RAE1: variants seen among roughly 807,000 people sequenced by gnomAD.
RAE1 encodes mRNA export factor RAE1.
A neutral mutation model predicts 52.7 loss-of-function variants in RAE1; 13 were observed. The observed-to-expected ratio is 0.25, with a 90% CI of 0.16 to 0.39. The LOEUF is 0.39. Among genes scored for constraint, RAE1 ranks in the 10% least tolerant of loss-of-function variants. RAE1 has a pLI of 1.00. For missense variants in RAE1, 262 were observed against 459.8 expected (o/e 0.57, Z 3.93); for synonymous variants, 164 against 153.1 (o/e 1.07, Z -0.52).
chr20:57,363,662 G>A (rs1244048137), intron 4 of RAE1, among the ~76,000 whole-genome samples: 1 of 152,082 alleles, frequency 6.6e-6, no homozygotes, highest in Non-Finnish European at 1.5e-5. Flanking sequence ...GAGCAAGACC[G>A]TGTCTCTAAA....
At chr20:57,351,758 C>G (rs753471475) in intron 1 of RAE1, 19 of 985,426 alleles carry the variant, frequency 1.9e-5, no homozygotes, top group Non-Finnish European at 2.0e-5. Flanking sequence ...TCCCTGGCCG[C>G]TTTGCAGAAG....
At chr20:57,377,950 G>A (rs968072545) in intron 11 of RAE1, 63 bp from the exon 12 acceptor site, 16 of 1,254,600 alleles carry the variant, frequency 1.3e-5, no homozygotes, top group Admixed American at 2.0e-5. Context: ...CCTAGAAAAA[G>A]CACCTACAAA....
chr20:57,368,226 C>G (rs2066985747), intron 7 of RAE1, among the ~76,000 whole-genome samples: 1 of 152,148 alleles, frequency 6.6e-6, no homozygotes, highest in Admixed American at 6.6e-5. Context: ...TTGGAAGTGG[C>G]CTAAGGGGCC....
In RAE1 at chr20:57,356,515, G is replaced by C; in HGVS notation, c.265G>C (p.Val89Leu). Residue 89 changes from valine to leucine, a missense_variant, in exon 4 of 12, where the codon GTG becomes CTG. Physicochemically the swap from Val to Leu is conservative, Grantham distance 32. Coordinates refer to ENST00000395841, the MANE Select transcript of RAE1 (RefSeq NM_003610.4). Reference sequence around the variant, plus strand: ...AGCCCAGCAGATGCACACTGGGCCTGTGCTTGATGTCTGCTGGAGTGACGT... The same window carrying C: ...AGCCCAGCAGATGCACACTGGGCCTCTGCTTGATGTCTGCTGGAGTGACGT... The part of the protein sequence containing the change: ...PKAQQMHTGP[V>L]LDVCWSDDGS... 6.2e-7 allele frequency: 1 copy of C among 1,612,896 alleles called. No homozygotes were observed. Among genetic ancestry groups the C allele is most frequent in the Non-Finnish European group, 8.5e-7 (1 of 1,179,090 alleles).
At chr20:57,376,213 G>T (rs1339641279) in intron 11 of RAE1, among the ~76,000 whole-genome samples, 1 of 152,200 alleles carries the variant, frequency 6.6e-6, no homozygotes, top group African/African-American at 2.4e-5. Flanking sequence ...CTGTTTGAGG[G>T]TTTGCTGTGT....
Position 57,354,035 on chromosome 20 carries a change from C to A in RAE1, c.-4C>A. ...AACATTTTTCATTACTTTTTAGGTT[C>A]AAAATGAGCCTGTTTGGAACAACCT... On this transcript the variant is annotated 5_prime_UTR_variant, in exon 2 of 12. Transcript: ENST00000395841. 1 of 1,612,304 alleles carries A rather than the reference C, an allele frequency of 6.2e-7. No individual in the cohort carries two copies. Among genetic ancestry groups the A allele is most frequent in the South Asian group, 1.1e-5 (1 of 90,752 alleles).
rs116749490 is a variant in RAE1, at chr20:57,374,586, T to C, written c.826-21T>C. The C allele has an allele frequency of 4.5e-4, 715 of 1,594,574 alleles. 4 individuals are homozygous for C. In the African/African-American group the frequency reaches 8.4e-3, roughly 19 times the overall value. On this transcript the variant is annotated intron_variant, in intron 10 of 11. Transcript: ENST00000395841. Reference sequence around the variant, plus strand: ...TGCGCCCCTCTGCCTGGCTTCTCATTGTGCATGTCAATCCTTGCAGGTAAA... The same window carrying C: ...TGCGCCCCTCTGCCTGGCTTCTCATCGTGCATGTCAATCCTTGCAGGTAAA...
intron 8 of RAE1, among the ~76,000 whole-genome samples, chr20:57,369,046 A>C (rs1382154381): frequency 6.6e-6 from 1 of 152,232 alleles, no homozygotes; most frequent in Non-Finnish European, 1.5e-5. Context: ...GCTGAGTGCT[A>C]CTGAATTGTA....
intron 4 of RAE1, 30 bp downstream of exon 4, chr20:57,356,568 T>A: frequency 6.4e-7 from 1 of 1,555,400 alleles, no homozygotes; most frequent in Non-Finnish European, 8.8e-7. Flanking sequence ...TCGTGTTCCA[T>A]TTTACTTAAA....
intron 4 of RAE1, among the ~76,000 whole-genome samples, chr20:57,364,707 T>C (rs2066931442): frequency 6.6e-6 from 1 of 152,224 alleles, no homozygotes; most frequent in Non-Finnish European, 1.5e-5. Context: ...CAAGCTGCAG[T>C]GACAGAGAAG....
chr20:57,354,950 G>A, intron 3 of RAE1, 134 bp downstream of exon 3: 1 of 620,180 alleles, frequency 1.6e-6, no homozygotes, highest in Non-Finnish European at 2.6e-6. Flanking sequence ...ATCAATTTAG[G>A]GGGTGTGAAC....
At position 57,364,030 on chromosome 20, in the gene RAE1, C is replaced by T. The variant is rs542614320; in HGVS notation, c.289-1326C>T. Among the ~76,000 whole-genome samples, 10 of 152,356 alleles carry T rather than the reference C, an allele frequency of 6.6e-5. No individual in the cohort carries two copies. In the South Asian group the frequency reaches 2.1e-3, roughly 32 times the overall value. ...TGATGGAGCCCATGTGCTTAGCAGC[C>T]TCCCTCATGGAGCTTTACAGGAAGA... On this transcript the variant is annotated intron_variant, in intron 4 of 11. Transcript: ENST00000395841.
intron 5 of RAE1, among the ~76,000 whole-genome samples, chr20:57,366,173 A>G (rs2066951302): frequency 6.6e-6 from 1 of 151,966 alleles, no homozygotes; most frequent in African/African-American, 2.4e-5. Flanking sequence ...GCTTACTTTC[A>G]CTCGCACATA....
intron 2 of RAE1, 29 bp from the exon 3 acceptor site, chr20:57,354,683 A>G (rs1600703549): frequency 2.7e-6 from 4 of 1,494,470 alleles, no homozygotes; most frequent in East Asian, 2.5e-5. Context: ...GAGCGTGCAT[A>G]CATTTTAACA....
chr20:57,377,930 C>T, intron 11 of RAE1, 83 bp from the exon 12 acceptor site: 3 of 934,370 alleles, frequency 3.2e-6, no homozygotes, highest in Non-Finnish European at 4.9e-6. Context: ...TATTGTAGCA[C>T]AGGACTTCAC....
intron 8 of RAE1, among the ~76,000 whole-genome samples, chr20:57,369,229 A>G (rs2066999615): frequency 6.6e-6 from 1 of 152,256 alleles, no homozygotes; most frequent in African/African-American, 2.4e-5. Flanking sequence ...AGGTCACAGA[A>G]AGAAGGGGGC....
chr20:57,372,575 C>G (rs902529773), intron 8 of RAE1: 2 of 152,154 alleles, frequency 1.3e-5, no homozygotes, highest in Admixed American at 1.3e-4. Flanking sequence ...TTTTTTTCTT[C>G]GTACTCACAA....
chr20:57,368,518 C>T (rs970138117), intron 7 of RAE1, among the ~76,000 whole-genome samples, 187 bp from the exon 8 acceptor site: 3 of 152,052 alleles, frequency 2.0e-5, no homozygotes, highest in African/African-American at 4.8e-5. Flanking sequence ...TTTTAAAACA[C>T]GAGACTTTTT....
chr20:57,360,249 A>G (rs1015308188), intron 4 of RAE1, among the ~76,000 whole-genome samples: 15 of 152,208 alleles, frequency 9.9e-5, no homozygotes, highest in African/African-American at 3.6e-4. Context: ...ATCCTCCTTA[A>G]GCCCTTAGAT....
Sources: allele counts gnomAD v4.1 joint callset (sites outside exome capture counted in the v4.1 genomes callset), GRCh38; gene constraint gnomAD v4.1.1; transcripts MANE v1.5; gene names NCBI Gene and HGNC (gene_info 2026-07-23, HGNC 2026-07-21).